POU2F1: variants seen among roughly 807,000 people sequenced by gnomAD.
POU2F1 encodes the protein POU class 2 homeobox 1.
POU2F1 carries 16 observed loss-of-function variants against 84.9 expected under a neutral mutation model. The observed-to-expected ratio is 0.19, with a 90% CI of 0.13 to 0.29. The LOEUF is 0.29. Ranked by LOEUF, POU2F1 falls within the 10% of genes least tolerant of loss-of-function variation. The pLI, the probability that POU2F1 is intolerant of heterozygous loss-of-function variation, is 1.00. For synonymous variants in POU2F1, 368 were observed against 368.3 expected (o/e 1.00, Z 0.01); for missense variants, 738 against 942.6 (o/e 0.78, Z 2.84).
intron 1 of POU2F1, among the ~76,000 whole-genome samples, chr1:167,224,598 T>G (rs1350472980): frequency 7.9e-5 from 12 of 152,196 alleles, no homozygotes; most frequent in Non-Finnish European, 1.3e-4. Flanking sequence ...GATTTTCTTG[T>G]AAGACATTTC....
At chr1:167,256,511 G>T (rs1406883824) in intron 1 of POU2F1, among the ~76,000 whole-genome samples, 1 of 151,946 alleles carries the variant, frequency 6.6e-6, no homozygotes, top group Non-Finnish European at 1.5e-5. Flanking sequence ...ATGAAGAATT[G>T]TTGAGGATAT....
chr1:167,253,994 T>C (rs1405955572), intron 1 of POU2F1, among the ~76,000 whole-genome samples: 1 of 152,220 alleles, frequency 6.6e-6, no homozygotes, highest in Non-Finnish European at 1.5e-5. Flanking sequence ...GTTTTTTGAC[T>C]AGAGTGTAGA....
chr1:167,275,996 A>T (rs1652702751), intron 1 of POU2F1, among the ~76,000 whole-genome samples: 1 of 152,250 alleles, frequency 6.6e-6, no homozygotes, highest in East Asian at 1.9e-4. Flanking sequence ...ATCTAAGAAC[A>T]AAATATTTAG....
At chr1:167,348,064 G>A (rs748177636) in intron 2 of POU2F1, among the ~76,000 whole-genome samples, 3 of 152,110 alleles carry the variant, frequency 2.0e-5, no homozygotes, top group Admixed American at 6.5e-5. Flanking sequence ...CATGCATAAC[G>A]TCAGGGATAC....
At chr1:167,399,851 T>C (rs35167845) in intron 12 of POU2F1, among the ~76,000 whole-genome samples, 25,346 of 151,324 alleles carry the variant, frequency 0.17, 2,246 homozygotes, top group Non-Finnish European at 0.2. Context: ...TTTTTTGTAC[T>C]CTTAGCAGAA....
At chr1:167,311,423 G>A (rs1036722179) in intron 1 of POU2F1, among the ~76,000 whole-genome samples, 2 of 152,104 alleles carry the variant, frequency 1.3e-5, no homozygotes, top group African/African-American at 4.8e-5. Flanking sequence ...ATTGTTAGGT[G>A]AAGGAAAAGA....
At chr1:167,237,840 C>T (rs1405175467) in intron 1 of POU2F1, among the ~76,000 whole-genome samples, 4 of 123,270 alleles carry the variant, frequency 3.2e-5, no homozygotes, top group Non-Finnish European at 4.7e-5. Context: ...AGTGCAGTGG[C>T]GTGATCTCGG....
intron 1 of POU2F1, among the ~76,000 whole-genome samples, chr1:167,330,572 G>A (rs975172256): frequency 6.6e-6 from 1 of 152,130 alleles, no homozygotes; most frequent in African/African-American, 2.4e-5. Context: ...TTAATAGTAA[G>A]TATTATTTAA....
intron 1 of POU2F1, among the ~76,000 whole-genome samples, chr1:167,268,047 G>A (rs1382385247): frequency 6.6e-6 from 1 of 152,062 alleles, no homozygotes; most frequent in African/African-American, 2.4e-5. Context: ...GTTCTTCAGC[G>A]TGACTCAAGT....
chr1:167,410,667 C>A (rs929110694), intron 13 of POU2F1, among the ~76,000 whole-genome samples: 1 of 152,074 alleles, frequency 6.6e-6, no homozygotes, highest in Non-Finnish European at 1.5e-5. Context: ...AGGCGCCCAC[C>A]ACCATGCCTG....
At chr1:167,307,973 G>A (rs957351976) in intron 1 of POU2F1, among the ~76,000 whole-genome samples, 1 of 152,112 alleles carries the variant, frequency 6.6e-6, no homozygotes, top group African/African-American at 2.4e-5. Flanking sequence ...CGCATGATTA[G>A]ATTCAAGTCA....
chr1:167,315,841 C>A (rs1193812982), intron 1 of POU2F1, among the ~76,000 whole-genome samples: 3 of 150,480 alleles, frequency 2.0e-5, no homozygotes, highest in Non-Finnish European at 3.0e-5. Context: ...AAAAAACAAG[C>A]AAACTGTGGT....
At chr1:167,276,538 G>A (rs564233800) in intron 1 of POU2F1, among the ~76,000 whole-genome samples, 1 of 152,236 alleles carries the variant, frequency 6.6e-6, no homozygotes, top group Admixed American at 6.5e-5. Context: ...GCCCCCCACA[G>A]ATAAGAGGGG....
chr1:167,414,338 G>A, intron 15 of POU2F1: 1 of 985,376 alleles, frequency 1.0e-6, no homozygotes, highest in Non-Finnish European at 1.2e-6. Context: ...CCTAGGGCAT[G>A]ATTGACACTC....
At chr1:167,360,743 A>G (rs914962810) in intron 2 of POU2F1, among the ~76,000 whole-genome samples, 2 of 152,012 alleles carry the variant, frequency 1.3e-5, no homozygotes, top group Non-Finnish European at 2.9e-5. Context: ...TGATGTTGGT[A>G]ATTTGATAAG....
chr1:167,256,683 A>G (rs1651167768), intron 1 of POU2F1, among the ~76,000 whole-genome samples: 1 of 152,142 alleles, frequency 6.6e-6, no homozygotes, highest in Non-Finnish European at 1.5e-5. Flanking sequence ...ACGAAATGAT[A>G]GTCTTTGGAT....
rs71073658 is a variant in POU2F1 at position 167,267,630 on chromosome 1, C to CTTTTTTTTTTTTTTTTTTTTT, written c.61+46677_61+46697dup. On this transcript the variant is annotated intron_variant, in intron 1 of 15. Transcript: ENST00000367866. ...TGTGAAAGTATCACAGTTACTGTGT[C>CTTTTTTTTTTTTTTTTTTTTT]TTTTTTTTTTTTTTTTTTTTTTTTT... 2.8e-5 allele frequency among the ~76,000 whole-genome samples: 2 copies of CTTTTTTTTTTTTTTTTTTTTT among 70,484 alleles called. 1 individual carries two copies. The highest frequency in any genetic ancestry group is 5.0e-5 in the Non-Finnish European group (2 of 40,272). The allele number at this position is 70,484 out of a possible 152,430, so 46.2% of individuals were successfully genotyped here.
At chr1:167,315,267 T>C (rs1655802583) in intron 1 of POU2F1, among the ~76,000 whole-genome samples, 1 of 152,160 alleles carries the variant, frequency 6.6e-6, no homozygotes, top group Non-Finnish European at 1.5e-5. Flanking sequence ...CCCAGAGAAA[T>C]AAAAAATTAT....
At chr1:167,269,058 T>C (rs972846051) in intron 1 of POU2F1, among the ~76,000 whole-genome samples, 2 of 152,238 alleles carry the variant, frequency 1.3e-5, no homozygotes, top group Non-Finnish European at 2.9e-5. Context: ...TCCTACTTAT[T>C]GGATGTTGGC....
Sources: allele counts gnomAD v4.1 joint callset (sites outside exome capture counted in the v4.1 genomes callset), GRCh38; gene constraint gnomAD v4.1.1; transcripts MANE v1.5; gene names NCBI Gene and HGNC (gene_info 2026-07-23, HGNC 2026-07-21).